The following TSC22D1 variants were observed in gnomAD, a reference collection of about 807,000 sequenced individuals.
TSC22D1 encodes the protein TSC22 domain family protein 1.
Under a neutral mutation model 74.2 loss-of-function variants are expected in TSC22D1, and 9 were observed. That is an observed-to-expected ratio of 0.12 (90% confidence interval 0.07 to 0.21). The LOEUF (loss-of-function observed/expected upper bound fraction) is 0.21. Among genes scored for constraint, TSC22D1 ranks in the 10% least tolerant of loss-of-function variants. The pLI, the probability that TSC22D1 is intolerant of heterozygous loss-of-function variation, is 1.00. For missense variants in TSC22D1, 1,427 were observed against 1,304.7 expected (o/e 1.09, Z -1.44); for synonymous variants, 586 against 492.5 (o/e 1.19, Z -2.51).
At chr13:44,554,630 C>CAAAAAAAAAAAAA (rs59922380) in intron 1 of TSC22D1, among the ~76,000 whole-genome samples, 22 of 68,464 alleles carry the variant, frequency 3.2e-4, no homozygotes, top group South Asian at 7.2e-4. Flanking sequence ...ATACCAGGAA[C>CAAAAAAAAAAAAA]AAAAAAAAAA....
intron 1 of TSC22D1, among the ~76,000 whole-genome samples, chr13:44,450,436 T>C (rs1048656219): frequency 3.3e-5 from 5 of 152,202 alleles, no homozygotes; most frequent in African/African-American, 1.2e-4. Context: ...TGCAATGGGA[T>C]TTGTGTTTTG....
chr13:44,435,481 T>C (rs898698527), intron 2 of TSC22D1, among the ~76,000 whole-genome samples: 2 of 152,216 alleles, frequency 1.3e-5, no homozygotes, highest in Non-Finnish European at 2.9e-5. Context: ...CCACAGGCGC[T>C]GCTCCAATAA....
At chr13:44,534,622 A>G (rs1881042523) in intron 1 of TSC22D1, among the ~76,000 whole-genome samples, 1 of 152,192 alleles carries the variant, frequency 6.6e-6, no homozygotes, top group Non-Finnish European at 1.5e-5. Context: ...AGAGAATAAT[A>G]GTATATCACT....
intron 1 of TSC22D1, among the ~76,000 whole-genome samples, chr13:44,457,933 C>T (rs1876768312): frequency 6.6e-6 from 1 of 152,204 alleles, no homozygotes; most frequent in African/African-American, 2.4e-5. Context: ...TTATCTATTA[C>T]ACATACATCA....
Position 44,573,150 on chromosome 13 carries a change from G to A in TSC22D1, c.2912+13C>T. 6.2e-7 allele frequency: 1 copy of A among 1,610,966 alleles called. No homozygotes were observed. On this transcript the variant is annotated intron_variant, in intron 1 of 2. Coordinates refer to ENST00000458659, the MANE Select transcript of TSC22D1 (RefSeq NM_183422.4). Reference sequence around the variant, plus strand: ...ATCTGTTGAATGTCTCCAGAAATATGACATGATCTTACCTCTCATCCTCGC... The same window carrying A: ...ATCTGTTGAATGTCTCCAGAAATATAACATGATCTTACCTCTCATCCTCGC...
upstream of TSC22D1, chr13:44,576,503 C>A: frequency 6.2e-6 from 1 of 160,808 alleles, no homozygotes; most frequent in Non-Finnish European, 1.3e-5. Context: ...CTGCAAAGCC[C>A]TCCCGGCCGC....
chr13:44,559,188 C>G (rs1429383880), intron 1 of TSC22D1, among the ~76,000 whole-genome samples: 1 of 152,124 alleles, frequency 6.6e-6, no homozygotes, highest in African/African-American at 2.4e-5. Context: ...GCAATAAAAA[C>G]CTTTTAAAAG....
chr13:44,534,694 A>C (rs1370095933), intron 1 of TSC22D1, among the ~76,000 whole-genome samples: 1 of 152,152 alleles, frequency 6.6e-6, no homozygotes, highest in Non-Finnish European at 1.5e-5. Context: ...TCAGTACAAG[A>C]CTTCCGAGTT....
intron 1 of TSC22D1, among the ~76,000 whole-genome samples, chr13:44,508,450 A>T (rs1247377496): frequency 6.6e-6 from 1 of 152,194 alleles, no homozygotes; most frequent in African/African-American, 2.4e-5. Context: ...GATGGTCACA[A>T]TATGAATTGT....
At chr13:44,530,440 A>T in intron 1 of TSC22D1, among the ~76,000 whole-genome samples, 1 of 150,546 alleles carries the variant, frequency 6.6e-6, no homozygotes, top group East Asian at 1.9e-4. Context: ...CACAAAACTT[A>T]AAAAAAAATC....
chr13:44,531,526 G>T (rs1337103121), intron 1 of TSC22D1, among the ~76,000 whole-genome samples: 10 of 151,964 alleles, frequency 6.6e-5, no homozygotes, highest in Non-Finnish European at 2.9e-5. Context: ...ATTAAATTAG[G>T]TAAATATACC....
Position 44,525,280 on chromosome 13 carries a change from T to C in TSC22D1, c.2912+47883A>G, listed in dbSNP as rs891896746. On this transcript the variant is annotated intron_variant, in intron 1 of 2. Coordinates refer to ENST00000458659, the MANE Select transcript of TSC22D1 (RefSeq NM_183422.4). ...CTCCTGTAAAACAGGAAATCACAACTGAAAGAATGGTAAGGCTCAGGCTCT... is the reference window on the plus strand; with the variant it reads ...CTCCTGTAAAACAGGAAATCACAACCGAAAGAATGGTAAGGCTCAGGCTCT... Among the ~76,000 whole-genome samples, 12 of 152,172 alleles carry C rather than the reference T, an allele frequency of 7.9e-5. 1 individual carries two copies. Among genetic ancestry groups the C allele is most frequent in the African/African-American group, 2.6e-4 (11 of 41,514 alleles).
At chr13:44,464,175 A>G (rs572553437) in intron 1 of TSC22D1, among the ~76,000 whole-genome samples, 24 of 152,358 alleles carry the variant, frequency 1.6e-4, no homozygotes, top group African/African-American at 5.8e-4. Flanking sequence ...GTAATGTAGC[A>G]ATAGAGACCT....
chr13:44,448,256 G>A (rs1875843503), intron 1 of TSC22D1, among the ~76,000 whole-genome samples: 1 of 152,030 alleles, frequency 6.6e-6, no homozygotes, highest in Non-Finnish European at 1.5e-5. Context: ...GATGCTTTGA[G>A]CACTTTTTAA....
chr13:44,535,433 A>C (rs935628598), intron 1 of TSC22D1, among the ~76,000 whole-genome samples: 4 of 152,110 alleles, frequency 2.6e-5, no homozygotes, highest in African/African-American at 9.6e-5. Context: ...AATATTTTTA[A>C]AGGGAAACAA....
intron 1 of TSC22D1, among the ~76,000 whole-genome samples, chr13:44,561,064 C>G (rs1027172518): frequency 6.6e-6 from 1 of 152,080 alleles, no homozygotes; most frequent in Non-Finnish European, 1.5e-5. Flanking sequence ...CCCGGGGCGT[C>G]GGGGGACCAG....
intron 1 of TSC22D1, among the ~76,000 whole-genome samples, chr13:44,449,337 C>T (rs936629226): frequency 1.3e-5 from 2 of 152,180 alleles, no homozygotes; most frequent in African/African-American, 4.8e-5. Context: ...AGTGAATGTG[C>T]CTAAAGAAGA....
Position 44,574,661 on chromosome 13 carries a change from T to C in TSC22D1, c.1414A>G (p.Ser472Gly). The C allele has an allele frequency of 6.2e-7, 1 of 1,614,154 alleles. No homozygotes were observed. Reference protein sequence around the residue: ...RESTSGSSVSSSVSTLSHYTE... With the variant: ...RESTSGSSVSGSVSTLSHYTE... ...TAGTGACTCAGTGTGCTGACACTAC[T>C]GCTCACTGAACTCCCACTAGTGCTC... Residue 472 changes from serine to glycine, a missense_variant, in exon 1 of 3, where the codon AGT becomes GGT. Coordinates refer to ENST00000458659, the MANE Select transcript of TSC22D1 (RefSeq NM_183422.4).
intron 1 of TSC22D1, among the ~76,000 whole-genome samples, chr13:44,448,044 T>C (rs17065818): frequency 0.11 from 16,738 of 151,994 alleles, 976 homozygotes; most frequent in African/African-American, 0.14. Context: ...TTAATAGTGG[T>C]AGATTATGAA....
Sources: allele counts gnomAD v4.1 joint callset (sites outside exome capture counted in the v4.1 genomes callset), GRCh38; gene constraint gnomAD v4.1.1; transcripts MANE v1.5; gene names NCBI Gene and HGNC (gene_info 2026-07-23, HGNC 2026-07-21).